The following TMEFF2 variants were observed in gnomAD, a reference collection of about 807,000 sequenced individuals.
The protein encoded by TMEFF2 is tomoregulin-2.
Under a neutral mutation model 53.8 loss-of-function variants are expected in TMEFF2, and 28 were observed. The ratio of observed to expected loss-of-function variants is 0.52; its 90% CI spans 0.39 to 0.71. The LOEUF (loss-of-function observed/expected upper bound fraction) is 0.71. Ranked by LOEUF, TMEFF2 falls within the 30% of genes least tolerant of loss-of-function variation. TMEFF2 has a pLI of 0.00. For missense variants in TMEFF2, 353 were observed against 455.2 expected (o/e 0.78, Z 2.04); for synonymous variants, 162 against 166.3 (o/e 0.97, Z 0.20).
At chr2:192,105,319 A>T (rs1026773454) in intron 4 of TMEFF2, among the ~76,000 whole-genome samples, 3 of 151,930 alleles carry the variant, frequency 2.0e-5, no homozygotes, top group Admixed American at 2.0e-4. Context: ...AAATAAAACC[A>T]CCTACTGAGC....
intron 4 of TMEFF2, among the ~76,000 whole-genome samples, chr2:192,117,763 A>C (rs1169987206): frequency 6.6e-6 from 1 of 151,992 alleles, no homozygotes; most frequent in East Asian, 1.9e-4. Context: ...TCATTTGCAT[A>C]GAAGTATAAC....
intron 4 of TMEFF2, among the ~76,000 whole-genome samples, chr2:192,132,606 C>A (rs1423306808): frequency 6.6e-6 from 1 of 152,096 alleles, no homozygotes. Flanking sequence ...TGAGACAAAC[C>A]CCAGCCACAT....
chr2:192,188,609 A>G (rs1691375100), intron 2 of TMEFF2, among the ~76,000 whole-genome samples: 1 of 152,236 alleles, frequency 6.6e-6, no homozygotes, highest in African/African-American at 2.4e-5. Flanking sequence ...AGCTTTACTA[A>G]TAAGAACATT....
At position 192,168,812 on chromosome 2, in the gene TMEFF2, A is replaced by G. The variant is rs116345898; in HGVS notation, c.439+10856T>C. 3.2e-3 allele frequency among the ~76,000 whole-genome samples: 485 copies of G among 151,080 alleles called. 1 individual carries two copies. Among genetic ancestry groups the G allele is most frequent in the African/African-American group, 0.011 (472 of 41,462 alleles). On this transcript the variant is annotated intron_variant, in intron 4 of 9. Transcript: ENST00000272771. ...TGGAAACATTTAGAAATTTAAGCAC[A>G]CTTTCTTTTTAAATTTTATTTTTTT... is the stretch of plus-strand genomic sequence containing the variant.
chr2:192,061,946 C>T (rs1256159091), intron 4 of TMEFF2, among the ~76,000 whole-genome samples: 1 of 152,148 alleles, frequency 6.6e-6, no homozygotes, highest in Admixed American at 6.6e-5. Flanking sequence ...TTACTGGAAG[C>T]AGATGCCGGC....
intron 2 of TMEFF2, 140 bp from the exon 3 acceptor site, chr2:192,184,623 T>C: frequency 1.8e-6 from 2 of 1,135,672 alleles, no homozygotes; most frequent in Non-Finnish European, 2.4e-6. Flanking sequence ...TAAGTCTTTA[T>C]AAGGGCATCA....
chr2:192,162,252 T>TTA (rs1690652383), intron 4 of TMEFF2, among the ~76,000 whole-genome samples: 1 of 152,172 alleles, frequency 6.6e-6, no homozygotes, highest in Non-Finnish European at 1.5e-5. Context: ...ATTACAGCCA[T>TTA]GAAACAAATA....
intron 7 of TMEFF2, among the ~76,000 whole-genome samples, chr2:191,963,649 A>G (rs2105794619): frequency 6.6e-6 from 1 of 152,316 alleles, no homozygotes; most frequent in African/African-American, 2.4e-5. Context: ...AGAACACCAA[A>G]GCTGTCTTTC....
Position 191,949,140 on chromosome 2 carries a change from T to A in TMEFF2, c.*1171A>T. The A allele has an allele frequency of 1.0e-6, 1 of 985,290 alleles. No individual in the cohort carries two copies. Among genetic ancestry groups the A allele is most frequent in the Non-Finnish European group, 1.2e-6 (1 of 829,794 alleles). 61.0% of individuals were successfully genotyped at this position (985,290 alleles called of 1,614,324 possible). A position where few individuals can be genotyped will look rare whatever the true frequency, so the allele number is the denominator to read the frequency against. On this transcript the variant is annotated 3_prime_UTR_variant, in exon 10 of 10. Coordinates refer to ENST00000272771, the MANE Select transcript of TMEFF2 (RefSeq NM_016192.4). ...TGATAATAATTGATTTATTTTCATCTTATTCCTTGAGAATTTTCACAGCTT... is the reference window on the plus strand; with the variant it reads ...TGATAATAATTGATTTATTTTCATCATATTCCTTGAGAATTTTCACAGCTT...
chr2:192,028,248 A>G (rs1350551140), intron 5 of TMEFF2, among the ~76,000 whole-genome samples: 4 of 152,076 alleles, frequency 2.6e-5, no homozygotes, highest in Non-Finnish European at 5.9e-5. Context: ...GTGGGACTGT[A>G]AGTCCATTAA....
intron 4 of TMEFF2, among the ~76,000 whole-genome samples, chr2:192,090,176 T>C (rs936210093): frequency 1.3e-5 from 2 of 152,296 alleles, no homozygotes; most frequent in African/African-American, 2.4e-5. Context: ...ATTGGGGTCA[T>C]AGTTTATGGT....
At chr2:192,184,318 C>G (rs1184525304) in intron 3 of TMEFF2, 36 bp downstream of exon 3, 1 of 1,598,910 alleles carries the variant, frequency 6.3e-7, no homozygotes, top group South Asian at 1.1e-5. Flanking sequence ...GATTTGGAAT[C>G]CATGCAGAAG....
At chr2:191,998,342 TA>T in intron 6 of TMEFF2, 21 bp from the exon 7 acceptor site, 1 of 1,524,554 alleles carries the variant, frequency 6.6e-7, no homozygotes, top group Non-Finnish European at 9.0e-7. Context: ...AAATTAACAA[TA>T]AAAATTGATT....
intron 6 of TMEFF2, 144 bp downstream of exon 6, chr2:191,998,916 G>C (rs1686288478): frequency 3.9e-6 from 3 of 760,316 alleles, no homozygotes; most frequent in East Asian, 5.3e-5. Context: ...CGACACAAAT[G>C]CTACAGTAGA....
At chr2:191,980,539 T>C (rs1685830735) in intron 7 of TMEFF2, among the ~76,000 whole-genome samples, 1 of 152,174 alleles carries the variant, frequency 6.6e-6, no homozygotes, top group Non-Finnish European at 1.5e-5. Context: ...AATGAGTGTT[T>C]TCACAATTTC....
intron 5 of TMEFF2, chr2:192,031,930 CT>C (rs1268000145): frequency 6.6e-6 from 1 of 152,154 alleles, no homozygotes; most frequent in Non-Finnish European, 1.5e-5. Context: ...AGATAATATA[CT>C]TACTTATAAT....
chr2:192,179,694 T>C lies in TMEFF2; in HGVS notation c.413A>G (p.Asp138Gly), dbSNP rs1294747613. 2 of 1,519,524 alleles carry C rather than the reference T, an allele frequency of 1.3e-6. No homozygotes were observed. The highest frequency in any genetic ancestry group is 2.5e-5 in the East Asian group (1 of 39,940). 94.1% of individuals were successfully genotyped at this position (1,519,524 alleles called of 1,614,324 possible). The change falls in exon 4 of 10, where the codon GAT (aspartate) becomes GGT (glycine). Residue 138 changes from aspartate (D) to glycine (G), a missense_variant and splice_region_variant. Physicochemically the swap from Asp to Gly is moderately conservative, Grantham distance 94 (BLOSUM62 -1). Transcript: ENST00000272771. The stretch of plus-strand genomic sequence containing the variant: ...TCCATCTCCAGATCCTGATCCTGCA[T>C]CTGTGGGGGGAAAAGTTATATTTGC... Reference protein sequence around the residue: ...LVVSEGSCATDAGSGSGDGVH... With the variant: ...LVVSEGSCATGAGSGSGDGVH...
At chr2:192,106,354 G>A (rs1405054755) in intron 4 of TMEFF2, among the ~76,000 whole-genome samples, 2 of 151,638 alleles carry the variant, frequency 1.3e-5, no homozygotes, top group African/African-American at 4.8e-5. Context: ...ACATATGGGA[G>A]TTATTGTTGA....
intron 4 of TMEFF2, among the ~76,000 whole-genome samples, chr2:192,064,859 C>T (rs1288499218): frequency 1.3e-5 from 2 of 151,802 alleles, no homozygotes; most frequent in Non-Finnish European, 3.0e-5. Context: ...GGAAAAGATA[C>T]ATAGAGCACA....
Sources: allele counts gnomAD v4.1 joint callset (sites outside exome capture counted in the v4.1 genomes callset), GRCh38; gene constraint gnomAD v4.1.1; transcripts MANE v1.5; gene names NCBI Gene and HGNC (gene_info 2026-07-23, HGNC 2026-07-21).